The following EBF4 variants were observed in gnomAD, a reference collection of about 807,000 sequenced individuals.
EBF4 encodes EBF transcription factor 4.
Under a neutral mutation model 67.1 loss-of-function variants are expected in EBF4, and 34 were observed. The ratio of observed to expected loss-of-function variants is 0.51; its 90% CI spans 0.39 to 0.67. The LOEUF (loss-of-function observed/expected upper bound fraction) is 0.67, where lower values mean the gene tolerates loss of function less well. Ranked by LOEUF, EBF4 falls within the 30% of genes least tolerant of loss-of-function variation. The pLI, the probability that EBF4 is intolerant of heterozygous loss-of-function variation, is 0.00. For synonymous variants in EBF4, 387 were observed against 377.7 expected, an observed-to-expected ratio of 1.02 and a Z score of -0.29; for missense variants, 837 against 873.3, an observed-to-expected ratio of 0.96 and a Z score of 0.52.
chr20:2,705,822 C>T, intron 2 of EBF4, 89 bp downstream of exon 2: 1 of 1,413,258 alleles, frequency 7.1e-7, no homozygotes, highest in Non-Finnish European at 9.5e-7. Context: ...CACACACACA[C>T]ACACACACAC....
intron 6 of EBF4, among the ~76,000 whole-genome samples, chr20:2,731,023 C>T (rs189844198): frequency 6.6e-5 from 10 of 152,124 alleles, no homozygotes; most frequent in African/African-American, 2.4e-4. Flanking sequence ...CTCAGCCTCC[C>T]GAGTAGCTGG....
rs564913021 is a variant in EBF4, at chr20:2,693,788, C to T, written c.137+6C>T. The T allele has an allele frequency of 4.6e-6, 6 of 1,308,020 alleles. No individual in the cohort carries two copies. The highest frequency in any genetic ancestry group is 5.8e-6 in the Non-Finnish European group (6 of 1,028,498). 81.0% of individuals were successfully genotyped at this position (1,308,020 alleles called of 1,614,324 possible). On this transcript the variant is annotated splice_donor_region_variant and intron_variant, in intron 1 of 16. Transcript: ENST00000609451. This position sits in a 1 kb window ranked among gnomAD's most constrained non-coding sequence, Gnocchi z 4.6. ...GCCAGCACCGCGGCGCAGAGGTAAG[C>T]GCTCGGACCGGACCCGGTGCGCTCG...
chr20:2,749,902 T>G, exon 10 of EBF4: 1 of 1,551,116 alleles, frequency 6.4e-7, no homozygotes, highest in Non-Finnish European at 8.7e-7. Context: ...ATCCCCGGGG[T>G]GGTGGAGGTG....
chr20:2,734,934 G>A (rs1049909932), intron 6 of EBF4, among the ~76,000 whole-genome samples: 12 of 152,186 alleles, frequency 7.9e-5, no homozygotes, highest in African/African-American at 2.9e-4. Context: ...TTTTGGGCAT[G>A]TGCCTCTCCC....
chr20:2,703,921 C>T (rs546217575), intron 1 of EBF4, among the ~76,000 whole-genome samples: 4 of 152,142 alleles, frequency 2.6e-5, no homozygotes, highest in South Asian at 2.1e-4. Context: ...CTTCCAAGGT[C>T]GCTCATGCTG....
chr20:2,704,218 T>A (rs1233221316), intron 1 of EBF4, among the ~76,000 whole-genome samples: 1 of 151,982 alleles, frequency 6.6e-6, no homozygotes, highest in Non-Finnish European at 1.5e-5. Context: ...CTGGGAACCA[T>A]CTTGTAGGCT....
At chr20:2,737,231 C>T (rs1240656306) in intron 6 of EBF4, among the ~76,000 whole-genome samples, 1 of 132,632 alleles carries the variant, frequency 7.5e-6, no homozygotes, top group South Asian at 2.4e-4. Context: ...GCTTGGGTAA[C>T]AGGAGCGAAA....
At chr20:2,706,360 C>A in intron 4 of EBF4, 96 bp downstream of exon 4, 7 of 1,386,492 alleles carry the variant, frequency 5.0e-6, no homozygotes, top group Non-Finnish European at 7.0e-6. Context: ...CTGCCCTCAT[C>A]TCCCTATGCC....
intron 7 of EBF4, 92 bp downstream of exon 7, chr20:2,748,722 C>G (rs1026656224): frequency 1.4e-6 from 2 of 1,397,736 alleles, no homozygotes; most frequent in South Asian, 2.6e-5. Context: ...CCCTGCCACC[C>G]TGGGAAAGGC....
chr20:2,753,480 G>A (rs147376073), intron 14 of EBF4, among the ~76,000 whole-genome samples: 5 of 152,302 alleles, frequency 3.3e-5, no homozygotes, highest in South Asian at 4.1e-4. Flanking sequence ...TTTATAAAGC[G>A]CCCACTGTAT....
chr20:2,718,614 A>C (rs990183457), intron 6 of EBF4, among the ~76,000 whole-genome samples: 1 of 152,132 alleles, frequency 6.6e-6, no homozygotes, highest in African/African-American at 2.4e-5. Flanking sequence ...TATTTCTAGA[A>C]CCTATAGTGA....
chr20:2,709,584 G>C, exon 6 of EBF4: 1 of 1,555,884 alleles, frequency 6.4e-7, no homozygotes, highest in Non-Finnish European at 8.7e-7. Context: ...CCGGTGCTGT[G>C]ACCGGAAGAG....
At chr20:2,724,310 T>C (rs1430846773) in intron 6 of EBF4, among the ~76,000 whole-genome samples, 1 of 152,242 alleles carries the variant, frequency 6.6e-6, no homozygotes. Flanking sequence ...CCCTATTTTT[T>C]AAAGCTGCAT....
At chr20:2,726,719 A>G (rs937897526) in intron 6 of EBF4, among the ~76,000 whole-genome samples, 1 of 152,180 alleles carries the variant, frequency 6.6e-6, no homozygotes, top group African/African-American at 2.4e-5. Flanking sequence ...TTGTTACACA[A>G]ACTTTACAAT....
chr20:2,705,209 G>A (rs926012669), intron 1 of EBF4, among the ~76,000 whole-genome samples: 2 of 152,282 alleles, frequency 1.3e-5, no homozygotes, highest in African/African-American at 4.8e-5. Flanking sequence ...CTAAAGGGCA[G>A]TCACAAGAGC....
At chr20:2,752,036 C>T in intron 12 of EBF4, 49 bp downstream of exon 12, 1 of 1,497,202 alleles carries the variant, frequency 6.7e-7, no homozygotes, top group Non-Finnish European at 8.9e-7. Flanking sequence ...GGCCCCCCAG[C>T]ACGCGGCGCC....
chr20:2,757,839 C>G (rs1400829764), intron 15 of EBF4, among the ~76,000 whole-genome samples: 1 of 152,034 alleles, frequency 6.6e-6, no homozygotes, highest in Non-Finnish European at 1.5e-5. Flanking sequence ...CCCAGCTACT[C>G]GGGAGGCTGA....
At chr20:2,734,770 A>G (rs992696240) in intron 6 of EBF4, among the ~76,000 whole-genome samples, 7 of 152,350 alleles carry the variant, frequency 4.6e-5, no homozygotes, top group East Asian at 1.9e-4. Context: ...GAATGCCAAT[A>G]AGTGTTCAAC....
chr20:2,749,562 GC>G (rs750204354), intron 8 of EBF4, 44 bp downstream of exon 8: 2 of 1,537,034 alleles, frequency 1.3e-6, no homozygotes, highest in Admixed American at 2.0e-5. Context: ...GGCCCAGCCA[GC>G]CCCCCAGGCC....
Sources: allele counts gnomAD v4.1 joint callset (sites outside exome capture counted in the v4.1 genomes callset), GRCh38; gene constraint gnomAD v4.1.1; non-coding constraint Gnocchi (gnomAD v3.1); transcripts MANE v1.5; gene names NCBI Gene and HGNC (gene_info 2026-07-23, HGNC 2026-07-21).